ADARB2: variants seen among roughly 807,000 people sequenced by gnomAD.
The protein encoded by ADARB2 is inactive double-stranded RNA-specific editase B2.
A neutral mutation model predicts 62.2 loss-of-function variants in ADARB2; 25 were observed. The ratio of observed to expected loss-of-function variants is 0.40; its 90% confidence interval spans 0.29 to 0.56. ADARB2 has a LOEUF of 0.56. Among genes scored for constraint, ADARB2 ranks in the 20% least tolerant of loss-of-function variants. The pLI is 0.43. For missense variants in ADARB2, 1,071 were observed against 1,077.4 expected (o/e 0.99, Z 0.08); for synonymous variants, 572 against 500.8 (o/e 1.14, Z -1.90).
At chr10:1,499,076 A>G (rs1831729634) in intron 1 of ADARB2, among the ~76,000 whole-genome samples, 1 of 151,792 alleles carries the variant, frequency 6.6e-6, no homozygotes, top group South Asian at 2.1e-4. Flanking sequence ...CTCTTCATTA[A>G]TCATTCAGTC....
chr10:1,600,282 G>C (rs531021875), intron 1 of ADARB2, among the ~76,000 whole-genome samples: 1 of 152,196 alleles, frequency 6.6e-6, no homozygotes, highest in African/African-American at 2.4e-5. Flanking sequence ...AACTGGCATT[G>C]GCAATACCTT....
intron 1 of ADARB2, among the ~76,000 whole-genome samples, chr10:1,541,158 C>A (rs1832419948): frequency 1.2e-5 from 1 of 81,368 alleles, no homozygotes; most frequent in Non-Finnish European, 2.5e-5. Flanking sequence ...CGTCCAGACC[C>A]CACTCACACT....
Position 1,315,049 on chromosome 10 carries a change from C to A in ADARB2, c.1078-43980G>T, listed in dbSNP as rs964437831. ...CCGAGGTTCCAACATGACGAAGTAG[C>A]GTACAGTTAAGGGGTCCTGGGCAGG... On this transcript the variant is annotated intron_variant, in intron 3 of 9. Coordinates refer to ENST00000381312, the MANE Select transcript of ADARB2 (RefSeq NM_018702.4). Among the ~76,000 whole-genome samples, 4 of 152,284 alleles carry A rather than the reference C, an allele frequency of 2.6e-5. No homozygotes were observed. In the South Asian group the frequency reaches 8.3e-4, roughly 32 times the overall value.
At chr10:1,463,188 C>T (rs1831201108) in intron 1 of ADARB2, among the ~76,000 whole-genome samples, 1 of 152,090 alleles carries the variant, frequency 6.6e-6, no homozygotes, top group African/African-American at 2.4e-5. Context: ...GGAAGTCAGC[C>T]CACGGTGCCT....
chr10:1,453,274 T>A (rs182560993), intron 1 of ADARB2, among the ~76,000 whole-genome samples: 1 of 152,386 alleles, frequency 6.6e-6, no homozygotes, highest in Admixed American at 6.5e-5. Flanking sequence ...TTTAATGTGA[T>A]GACGTTCAAT....
intron 3 of ADARB2, among the ~76,000 whole-genome samples, chr10:1,303,922 G>A (rs2131819017): frequency 6.6e-6 from 1 of 152,246 alleles, no homozygotes; most frequent in African/African-American, 2.4e-5. Context: ...GCAAAATCAT[G>A]CCAAAATGTA....
intron 4 of ADARB2, among the ~76,000 whole-genome samples, chr10:1,269,477 G>T (rs1244960454): frequency 5.3e-5 from 8 of 152,192 alleles, no homozygotes; most frequent in Non-Finnish European, 1.2e-4. Flanking sequence ...CATGGGCTAG[G>T]TAACTTTCTA....
chr10:1,624,202 C>T (rs1833740203), intron 1 of ADARB2, among the ~76,000 whole-genome samples: 1 of 152,126 alleles, frequency 6.6e-6, no homozygotes, highest in Non-Finnish European at 1.5e-5. Flanking sequence ...TCACTCCACT[C>T]CTGCCTGGGT....
intron 1 of ADARB2, among the ~76,000 whole-genome samples, chr10:1,518,851 T>TGTG (rs1564315250): frequency 6.7e-6 from 1 of 149,994 alleles, no homozygotes; most frequent in Non-Finnish European, 1.5e-5. Flanking sequence ...AACGTCTGCC[T>TGTG]GTGGTGTGGT....
At chr10:1,253,573 G>A (rs1446597549) in intron 4 of ADARB2, among the ~76,000 whole-genome samples, 2 of 152,236 alleles carry the variant, frequency 1.3e-5, no homozygotes, top group African/African-American at 4.8e-5. Flanking sequence ...TCAAGGGAAA[G>A]AGGATAAAAA....
chr10:1,379,234 A>T, intron 1 of ADARB2, 74 bp from the exon 2 acceptor site: 1 of 1,258,230 alleles, frequency 7.9e-7, no homozygotes, highest in Non-Finnish European at 1.2e-6. Context: ...ATAAGTTCTT[A>T]TTACTGAATG....
chr10:1,718,066 G>A lies in ADARB2; in HGVS notation c.100+18985C>T, dbSNP rs553740500. 1.1e-4 allele frequency among the ~76,000 whole-genome samples: 17 copies of A among 152,238 alleles called. No homozygotes were observed. The South Asian group carries it at 3.5e-3, about 32-fold the overall frequency. On this transcript the variant is annotated intron_variant, in intron 1 of 9. Transcript: ENST00000381312. ...AGAAAAATGCTAAGGAAGAAAGGAAGGGAGGGAAGGAGGGAGGGAGGAGGA... is the reference window on the plus strand; with the variant it reads ...AGAAAAATGCTAAGGAAGAAAGGAAAGGAGGGAAGGAGGGAGGGAGGAGGA...
At chr10:1,487,512 G>A (rs1831559570) in intron 1 of ADARB2, among the ~76,000 whole-genome samples, 3 of 152,232 alleles carry the variant, frequency 2.0e-5, no homozygotes, top group East Asian at 1.9e-4. Flanking sequence ...ACCTGCTCCC[G>A]GCCCTGGGTT....
intron 7 of ADARB2, among the ~76,000 whole-genome samples, chr10:1,205,382 G>A (rs147656067): frequency 1.0e-5 from 1 of 100,428 alleles, no homozygotes; most frequent in Non-Finnish European, 2.4e-5. Flanking sequence ...GACAACTCAC[G>A]GGAGCCCGTG....
intron 4 of ADARB2, among the ~76,000 whole-genome samples, chr10:1,247,215 TAAG>T (rs1830994170): frequency 6.6e-6 from 1 of 152,230 alleles, no homozygotes; most frequent in African/African-American, 2.4e-5. Context: ...CCTGTCAGCT[TAAG>T]GAGATTTTGG....
intron 1 of ADARB2, among the ~76,000 whole-genome samples, chr10:1,629,155 TTTTTAA>T (rs1369033033): frequency 6.6e-6 from 1 of 152,180 alleles, no homozygotes; most frequent in Non-Finnish European, 1.5e-5. Context: ...AGGTTATTAT[TTTTTAA>T]TTTTGAGAGG....
intron 1 of ADARB2, among the ~76,000 whole-genome samples, chr10:1,724,751 T>C (rs534911904): frequency 2.6e-5 from 4 of 152,300 alleles, no homozygotes; most frequent in Admixed American, 6.5e-5. Flanking sequence ...CCTAGCCACG[T>C]CTACCCTTTG....
intron 1 of ADARB2, among the ~76,000 whole-genome samples, chr10:1,405,545 A>T (rs1013949834): frequency 6.8e-6 from 1 of 147,876 alleles, no homozygotes; most frequent in Admixed American, 7.1e-5. Context: ...CAGGAGAAAC[A>T]CTTGAACCTG....
rs1052564193 is a variant in ADARB2 at position 1,549,893 on chromosome 10, G to C, written c.101-170733C>G. Reference sequence around the variant, plus strand: ...CTCTCCTGGGTGCTGGGTCTGCAGCGTGAGATTAGATGGAGCTCTCTGTGC... The same window carrying C: ...CTCTCCTGGGTGCTGGGTCTGCAGCCTGAGATTAGATGGAGCTCTCTGTGC... On this transcript the variant is annotated intron_variant, in intron 1 of 9. Coordinates refer to ENST00000381312, the MANE Select transcript of ADARB2 (RefSeq NM_018702.4). Among the ~76,000 whole-genome samples the C allele has an allele frequency of 3.3e-5, 5 of 152,274 alleles. No homozygotes were observed. The East Asian group carries it at 9.7e-4, about 29-fold the overall frequency.
Sources: gnomAD v4.1 joint callset for allele counts (sites outside exome capture counted in the v4.1 genomes callset) on GRCh38, gnomAD v4.1.1 for gene constraint, MANE v1.5 for transcripts, NCBI Gene and HGNC (gene_info 2026-07-23, HGNC 2026-07-21) for gene names.